The following GPHN variants were observed in gnomAD, a reference collection of about 807,000 sequenced individuals.
The protein encoded by GPHN is gephyrin.
In GPHN, 17 loss-of-function variants were observed where a neutral mutation model predicts 95.5. The ratio of observed to expected loss-of-function variants is 0.18; its 90% CI spans 0.12 to 0.27. GPHN has a LOEUF of 0.27. Ranked by LOEUF, GPHN falls within the 10% of genes least tolerant of loss-of-function variation. The pLI is 1.00. For synonymous variants in GPHN, 320 were observed against 322.5 expected, an observed-to-expected ratio of 0.99 and a Z score of 0.08; for missense variants, 660 against 978.1, an observed-to-expected ratio of 0.67 and a Z score of 4.34.
chr14:66,535,941 G>GTT (rs2059127005), intron 1 of GPHN, among the ~76,000 whole-genome samples: 1 of 151,690 alleles, frequency 6.6e-6, no homozygotes, highest in Non-Finnish European at 1.5e-5. Context: ...TTGTTTCTTT[G>GTT]TTTTCCCTTA....
the GPHN span, chr14:67,332,730 T>G: frequency 6.5e-7 from 1 of 1,546,822 alleles, no homozygotes; most frequent in Non-Finnish European, 8.8e-7. Context: ...CATCCTATAT[T>G]ATTTGGTTAG....
the GPHN span, among the ~76,000 whole-genome samples, chr14:67,564,055 C>A: frequency 6.6e-6 from 1 of 152,048 alleles, no homozygotes; most frequent in Admixed American, 6.5e-5. Context: ...GCACCTGCCA[C>A]CACGCCCGGC....
intron 1 of GPHN, among the ~76,000 whole-genome samples, chr14:66,679,054 A>C (rs940030424): frequency 3.3e-5 from 5 of 152,126 alleles, no homozygotes; most frequent in Non-Finnish European, 7.3e-5. Flanking sequence ...GGAGTTCATG[A>C]GGTCATCATT....
At chr14:66,939,137 A>G (rs1354078266) in intron 8 of GPHN, among the ~76,000 whole-genome samples, 2 of 152,228 alleles carry the variant, frequency 1.3e-5, no homozygotes, top group Non-Finnish European at 2.9e-5. Flanking sequence ...TTTCTTGGAC[A>G]TGACACCAAA....
chr14:66,751,810 G>A (rs961206955), intron 2 of GPHN, among the ~76,000 whole-genome samples: 1 of 152,078 alleles, frequency 6.6e-6, no homozygotes, highest in Non-Finnish European at 1.5e-5. Context: ...TACCAAGAGA[G>A]TCAACCTGTC....
At chr14:66,550,285 T>G (rs1407116024) in intron 1 of GPHN, among the ~76,000 whole-genome samples, 1 of 152,126 alleles carries the variant, frequency 6.6e-6, no homozygotes, top group Non-Finnish European at 1.5e-5. Flanking sequence ...TAACAGTAAT[T>G]TGGAAGAAGT....
intron 3 of GPHN, among the ~76,000 whole-genome samples, chr14:66,818,698 A>C (rs2061078210): frequency 1.3e-5 from 2 of 152,166 alleles, no homozygotes; most frequent in Admixed American, 6.5e-5. Context: ...ACAATGGTTG[A>C]ACTAATTTAC....
intron 8 of GPHN, among the ~76,000 whole-genome samples, chr14:66,958,054 C>G (rs918601949): frequency 2.6e-5 from 4 of 152,150 alleles, no homozygotes; most frequent in Admixed American, 2.0e-4. Flanking sequence ...GACCGCTGTT[C>G]TATTGTACTT....
intron 1 of GPHN, among the ~76,000 whole-genome samples, chr14:66,567,142 T>C (rs1956065091): frequency 6.6e-6 from 1 of 152,034 alleles, no homozygotes; most frequent in African/African-American, 2.4e-5. Flanking sequence ...AGATAAAGGA[T>C]GAATAAGAAA....
intron 8 of GPHN, among the ~76,000 whole-genome samples, chr14:66,942,414 A>G (rs188032382): frequency 6.6e-6 from 1 of 152,338 alleles, no homozygotes; most frequent in Admixed American, 6.5e-5. Flanking sequence ...CTCCAAAGTT[A>G]TTAGAAACCT....
chr14:67,638,532 G>A, the GPHN span, among the ~76,000 whole-genome samples: 1 of 152,146 alleles, frequency 6.6e-6, no homozygotes, highest in Non-Finnish European at 1.5e-5. Flanking sequence ...CTTCTTTGAC[G>A]CCCCTGATCC....
At chr14:66,728,517 C>A (rs1407485589) in intron 2 of GPHN, among the ~76,000 whole-genome samples, 1 of 152,218 alleles carries the variant, frequency 6.6e-6, no homozygotes, top group Non-Finnish European at 1.5e-5. Flanking sequence ...ACCATAGGAA[C>A]CCACCTTTTG....
At chr14:66,587,976 C>G (rs564980578) in intron 1 of GPHN, among the ~76,000 whole-genome samples, 1 of 152,274 alleles carries the variant, frequency 6.6e-6, no homozygotes, top group African/African-American at 2.4e-5. Context: ...ACAGACACCT[C>G]ATACAGGAGA....
intron 1 of GPHN, among the ~76,000 whole-genome samples, chr14:66,607,264 G>A (rs1222859802): frequency 6.6e-6 from 1 of 152,022 alleles, no homozygotes; most frequent in Admixed American, 6.5e-5. Flanking sequence ...TTTATGTGGT[G>A]AATCACATTT....
chr14:66,640,292 C>G (rs1438293832), intron 1 of GPHN, among the ~76,000 whole-genome samples: 1 of 152,028 alleles, frequency 6.6e-6, no homozygotes, highest in African/African-American at 2.4e-5. Context: ...CGTGGTGGCA[C>G]GTGCCTGTAA....
intron 1 of GPHN, among the ~76,000 whole-genome samples, chr14:66,521,178 T>A (rs546758015): frequency 2.0e-5 from 3 of 152,160 alleles, no homozygotes; most frequent in Non-Finnish European, 4.4e-5. Flanking sequence ...CATGTGTATG[T>A]GTCTTTATGG....
At chr14:67,704,126 T>C in the GPHN span, among the ~76,000 whole-genome samples, 1 of 152,210 alleles carries the variant, frequency 6.6e-6, no homozygotes. Context: ...AATTTAAATA[T>C]ATTTCCCCCT....
chr14:67,520,187 C>T, the GPHN span, among the ~76,000 whole-genome samples: 1 of 152,198 alleles, frequency 6.6e-6, no homozygotes, highest in Admixed American at 6.5e-5. Context: ...TTTGACATAT[C>T]ATTATCACCC....
the GPHN span, among the ~76,000 whole-genome samples, chr14:67,401,999 C>T: frequency 6.6e-6 from 1 of 152,092 alleles, no homozygotes; most frequent in East Asian, 1.9e-4. Flanking sequence ...GGCATGGTGG[C>T]ACATGCCTGT....
Sources: gnomAD v4.1 joint callset for allele counts (sites outside exome capture counted in the v4.1 genomes callset) on GRCh38, gnomAD v4.1.1 for gene constraint, MANE v1.5 for transcripts, NCBI Gene and HGNC (gene_info 2026-07-23, HGNC 2026-07-21) for gene names.